The following PLXNA4 variants were observed in gnomAD, a reference collection of about 807,000 sequenced individuals.
The protein encoded by PLXNA4 is plexin A4.
In PLXNA4, 44 loss-of-function variants were observed where a neutral mutation model predicts 191.8. The observed-to-expected ratio is 0.23, with a 90% CI of 0.18 to 0.29. The LOEUF is 0.29. Among genes scored for constraint, PLXNA4 ranks in the 10% least tolerant of loss-of-function variants. The pLI, the probability that PLXNA4 is intolerant of heterozygous loss-of-function variation, is 1.00. For synonymous variants in PLXNA4, 1,082 were observed against 1,009.5 expected, an observed-to-expected ratio of 1.07 and a Z score of -1.36; for missense variants, 1,800 against 2,488.8, an observed-to-expected ratio of 0.72 and a Z score of 5.89.
chr7:132,308,757 G>A (rs1005209546), intron 3 of PLXNA4, among the ~76,000 whole-genome samples: 1 of 152,156 alleles, frequency 6.6e-6, no homozygotes. Context: ...CCCAAGCATG[G>A]ATAATACTTG....
At chr7:132,575,664 T>TA (rs1198971609) in intron 1 of PLXNA4, among the ~76,000 whole-genome samples, 1 of 152,148 alleles carries the variant, frequency 6.6e-6, no homozygotes, top group Non-Finnish European at 1.5e-5. Context: ...GAATAAGGTC[T>TA]TACCTTTTAA....
chr7:132,203,622 G>A (rs1263179771), intron 10 of PLXNA4, among the ~76,000 whole-genome samples: 1 of 152,226 alleles, frequency 6.6e-6, no homozygotes, highest in South Asian at 2.1e-4. Flanking sequence ...ATATCAGAGG[G>A]GGTGGAAGAT....
intron 3 of PLXNA4, among the ~76,000 whole-genome samples, chr7:132,455,062 C>T (rs1796263252): frequency 6.6e-6 from 1 of 152,198 alleles, no homozygotes; most frequent in Non-Finnish European, 1.5e-5. Flanking sequence ...ACCACCCTGA[C>T]TGAGGAGGTT....
At chr7:132,494,629 C>T (rs113827710) in intron 2 of PLXNA4, among the ~76,000 whole-genome samples, 3,015 of 152,214 alleles carry the variant, frequency 0.02, 38 homozygotes, top group South Asian at 0.029. Context: ...GCTGACACTC[C>T]GAATTACAAT....
chr7:132,381,867 C>G (rs1282472395), intron 3 of PLXNA4, among the ~76,000 whole-genome samples: 1 of 152,176 alleles, frequency 6.6e-6, no homozygotes. Flanking sequence ...GCCCACAATC[C>G]CTCCAGGGCA....
intron 4 of PLXNA4, among the ~76,000 whole-genome samples, chr7:132,263,040 G>A (rs1372560047): frequency 6.6e-6 from 1 of 152,174 alleles, no homozygotes; most frequent in Non-Finnish European, 1.5e-5. Context: ...TAAGCTTCCA[G>A]TGCTTTATGT....
chr7:132,159,374 C>T, intron 25 of PLXNA4, 99 bp downstream of exon 25: 1 of 1,546,566 alleles, frequency 6.5e-7, no homozygotes, highest in East Asian at 2.3e-5. Context: ...GATTATTCCC[C>T]TCAGATCTCT....
intron 3 of PLXNA4, among the ~76,000 whole-genome samples, chr7:132,339,024 T>A (rs4731863): frequency 0.083 from 12,686 of 152,188 alleles, 1,003 homozygotes; most frequent in East Asian, 0.3. Flanking sequence ...TGGAAGCCCA[T>A]GGACCCATCC....
At position 132,147,968 on chromosome 7, in the gene PLXNA4, G is replaced by A; in HGVS notation, c.4796C>T (p.Ser1599Phe). 6.2e-7 allele frequency: 1 copy of A among 1,614,090 alleles called. No individual in the cohort carries two copies. The highest frequency in any genetic ancestry group is 8.5e-7 in the Non-Finnish European group (1 of 1,180,018). ...VPDGSVVALV[S>F]KQVTAYNAVN... Reference sequence around the variant, plus strand: ...TGCGTTATAGGCTGTCACCTGCTTGGACACTAATGCCACCACGGAACCATC... The same window carrying A: ...TGCGTTATAGGCTGTCACCTGCTTGAACACTAATGCCACCACGGAACCATC... Residue 1599 changes from serine to phenylalanine, a missense_variant, in exon 27 of 32, where the codon TCC (serine) becomes TTC (phenylalanine). Ser to Phe is a radical substitution (Grantham distance 155). Transcript: ENST00000321063.
At chr7:132,195,010 A>G (rs1455661400) in intron 13 of PLXNA4, among the ~76,000 whole-genome samples, 1 of 152,008 alleles carries the variant, frequency 6.6e-6, no homozygotes. Flanking sequence ...GGCAAAGAAA[A>G]GTTAGGCAAC....
At chr7:132,612,775 A>G (rs1265627534) in intron 2 of PLXNA4, among the ~76,000 whole-genome samples, 2 of 151,078 alleles carry the variant, frequency 1.3e-5, no homozygotes, top group African/African-American at 4.9e-5. Context: ...TGTCCTGTGT[A>G]TTGTTAGATA....
chr7:132,514,801 T>TGC (rs1450009301), intron 1 of PLXNA4, among the ~76,000 whole-genome samples: 1 of 127,180 alleles, frequency 7.9e-6, no homozygotes, highest in African/African-American at 3.5e-5. Context: ...TGTGTCTCTA[T>TGC]GCACACACAC....
chr7:132,558,152 A>C (rs1800882795), intron 1 of PLXNA4, among the ~76,000 whole-genome samples: 1 of 152,216 alleles, frequency 6.6e-6, no homozygotes, highest in Non-Finnish European at 1.5e-5. Context: ...TGCACACAAA[A>C]ATGCCCAGAC....
chr7:132,456,641 A>T (rs1238055941), intron 3 of PLXNA4, among the ~76,000 whole-genome samples: 2 of 151,816 alleles, frequency 1.3e-5, no homozygotes, highest in South Asian at 2.1e-4. Context: ...ACCGGCAGCC[A>T]CTGGGGAGCC....
Position 132,632,313 on chromosome 7 carries a change from G to A in PLXNA4, c.-87+13615C>T, listed in dbSNP as rs374665556. On this transcript the variant is annotated intron_variant, in intron 2 of 4. Transcript: ENST00000378539. The stretch of plus-strand genomic sequence containing the variant: ...TAGAATTTCTGAAATTAGAGCTCAT[G>A]GTAGGCAAGAAAATGATATATGTAA... Among the ~76,000 whole-genome samples the A allele has an allele frequency of 2.7e-4, 41 of 151,880 alleles. No individual in the cohort carries two copies. The East Asian group carries it at 7.7e-3, about 29-fold the overall frequency.
At chr7:132,133,477 TCCCAA>T in intron 30 of PLXNA4, among the ~76,000 whole-genome samples, 1 of 151,866 alleles carries the variant, frequency 6.6e-6, no homozygotes, top group Non-Finnish European at 1.5e-5. Flanking sequence ...AGCCAGAGGG[TCCCAA>T]CTCGGGCATC....
At chr7:132,369,750 C>T (rs552011288) in intron 3 of PLXNA4, among the ~76,000 whole-genome samples, 2 of 151,758 alleles carry the variant, frequency 1.3e-5, no homozygotes, top group East Asian at 2.0e-4. Flanking sequence ...CTGTCCATTA[C>T]GGCCCCCCGA....
At chr7:132,189,642 G>A (rs554418064) in intron 14 of PLXNA4, among the ~76,000 whole-genome samples, 2 of 152,162 alleles carry the variant, frequency 1.3e-5, no homozygotes, top group African/African-American at 4.8e-5. Flanking sequence ...AGAACTCCAG[G>A]GGAGCTAGGG....
At chr7:132,152,200 A>T (rs765082175) in intron 25 of PLXNA4, among the ~76,000 whole-genome samples, 1 of 152,236 alleles carries the variant, frequency 6.6e-6, no homozygotes, top group Non-Finnish European at 1.5e-5. Context: ...GTCAAAGACC[A>T]TCGCAGGTGG....
Sources: allele counts gnomAD v4.1 joint callset (sites outside exome capture counted in the v4.1 genomes callset), GRCh38; gene constraint gnomAD v4.1.1; transcripts MANE v1.5; gene names NCBI Gene and HGNC (gene_info 2026-07-23, HGNC 2026-07-21).